Variants in CACNA2D3 observed in about 807,000 individuals in gnomAD.
CACNA2D3 encodes the protein calcium voltage-gated channel auxiliary subunit alpha2delta 3.
CACNA2D3 carries 60 observed loss-of-function variants against 160.6 expected under a neutral mutation model. The observed-to-expected ratio is 0.37, with a 90% CI of 0.30 to 0.46. The LOEUF is 0.46. CACNA2D3 is among the 20% of genes least tolerant of loss of function. The pLI, the probability that CACNA2D3 is intolerant of heterozygous loss-of-function variation, is 1.00. For synonymous variants in CACNA2D3, 558 were observed against 492.9 expected (o/e 1.13, Z -1.75); for missense variants, 1,205 against 1,365.0 (o/e 0.88, Z 1.85).
intron 11 of CACNA2D3, among the ~76,000 whole-genome samples, chr3:54,747,118 A>C (rs1057201669): frequency 3.3e-5 from 5 of 152,044 alleles, no homozygotes; most frequent in African/African-American, 9.7e-5. Context: ...GTTTGGTCTC[A>C]CTTAGACCTC....
chr3:54,475,839 C>CAG (rs549425099), intron 4 of CACNA2D3, among the ~76,000 whole-genome samples: 2 of 45,654 alleles, frequency 4.4e-5, no homozygotes, highest in African/African-American at 1.6e-4. Context: ...GTGTGTGTGA[C>CAG]AGAGAGAGAG....
intron 11 of CACNA2D3, among the ~76,000 whole-genome samples, chr3:54,748,754 G>A (rs1226450864): frequency 6.6e-6 from 1 of 152,090 alleles, no homozygotes; most frequent in Non-Finnish European, 1.5e-5. Flanking sequence ...CCCAGATTTG[G>A]CTCTGCTTCA....
chr3:54,263,981 T>C (rs1449640165), intron 2 of CACNA2D3, among the ~76,000 whole-genome samples: 4 of 152,130 alleles, frequency 2.6e-5, no homozygotes, highest in African/African-American at 7.2e-5. Flanking sequence ...TGGAGGAAAA[T>C]ATGCCATCTT....
intron 2 of CACNA2D3, among the ~76,000 whole-genome samples, chr3:54,226,463 C>T (rs1448442381): frequency 6.6e-6 from 1 of 151,950 alleles, no homozygotes; most frequent in African/African-American, 2.4e-5. Flanking sequence ...CCACCACGTC[C>T]AGCTAATTTT....
intron 17 of CACNA2D3, among the ~76,000 whole-genome samples, chr3:54,861,146 G>T (rs1028761162): frequency 1.3e-5 from 2 of 152,248 alleles, no homozygotes; most frequent in Non-Finnish European, 1.5e-5. Flanking sequence ...CTAATAATTT[G>T]CAGTACAATG....
intron 5 of CACNA2D3, among the ~76,000 whole-genome samples, chr3:54,524,805 C>T (rs574850390): frequency 6.6e-6 from 1 of 151,960 alleles, no homozygotes; most frequent in South Asian, 2.1e-4. Context: ...CTAACCATTC[C>T]AGCTTTCTTG....
chr3:54,371,636 C>T (rs1698927842), intron 3 of CACNA2D3, among the ~76,000 whole-genome samples: 1 of 152,150 alleles, frequency 6.6e-6, no homozygotes, highest in African/African-American at 2.4e-5. Flanking sequence ...TCTCTCCTCC[C>T]ATTGACATTT....
chr3:54,250,869 AAG>A (rs1702175262), intron 2 of CACNA2D3, among the ~76,000 whole-genome samples: 1 of 152,192 alleles, frequency 6.6e-6, no homozygotes, highest in Admixed American at 6.5e-5. Flanking sequence ...TGGGCAGAGA[AAG>A]AGGCAATATG....
chr3:54,503,467 A>G, intron 4 of CACNA2D3, 25 bp from the exon 5 acceptor site: 1 of 1,611,654 alleles, frequency 6.2e-7, no homozygotes, highest in Non-Finnish European at 8.5e-7. Context: ...AGCCACATGT[A>G]ATGTTTTTTG....
chr3:54,938,634 T>G (rs538598223), intron 27 of CACNA2D3, among the ~76,000 whole-genome samples: 7 of 146,554 alleles, frequency 4.8e-5, no homozygotes, highest in African/African-American at 1.8e-4. Flanking sequence ...CACCCCCAAA[T>G]TATACATCTT....
intron 13 of CACNA2D3, among the ~76,000 whole-genome samples, chr3:54,804,113 A>G (rs1323241829): frequency 1.3e-5 from 2 of 152,216 alleles, no homozygotes; most frequent in Non-Finnish European, 2.9e-5. Context: ...GCCAAAATGT[A>G]AAGACCATCG....
intron 13 of CACNA2D3, among the ~76,000 whole-genome samples, chr3:54,788,167 C>G (rs933469234): frequency 6.6e-6 from 1 of 152,160 alleles, no homozygotes; most frequent in Non-Finnish European, 1.5e-5. Context: ...ACTGAGTAAT[C>G]TCATCTGTCA....
rs1289570050 is a variant in CACNA2D3 at position 54,480,123 on chromosome 3, C to T, written c.382-23369C>T. 2.6e-5 allele frequency among the ~76,000 whole-genome samples: 4 copies of T among 152,128 alleles called. No individual in the cohort carries two copies. In the East Asian group the frequency reaches 5.8e-4, roughly 22 times the overall value. On this transcript the variant is annotated intron_variant, in intron 4 of 37. Transcript: ENST00000474759. Reference sequence around the variant, plus strand: ...CTTTGGGAGTCTGAGGCAGGAGGCTCAATTGAGCCCAGGAGTTTGAGACCA... The same window carrying T: ...CTTTGGGAGTCTGAGGCAGGAGGCTTAATTGAGCCCAGGAGTTTGAGACCA...
chr3:54,299,326 G>A (rs1172970531), intron 2 of CACNA2D3, among the ~76,000 whole-genome samples: 1 of 152,122 alleles, frequency 6.6e-6, no homozygotes, highest in Non-Finnish European at 1.5e-5. Flanking sequence ...TGGCACTGCA[G>A]CTCCTCAGAG....
chr3:54,224,910 C>A (rs1484346285), intron 2 of CACNA2D3, among the ~76,000 whole-genome samples: 1 of 149,564 alleles, frequency 6.7e-6, no homozygotes, highest in Non-Finnish European at 1.5e-5. Flanking sequence ...GCTTAGATTC[C>A]CGAAGCTTCC....
Position 54,987,713 on chromosome 3 carries a change from G to T in CACNA2D3, c.2650G>T (p.Ala884Ser). Residue 884 changes from alanine to serine, a missense_variant, in exon 31 of 38, where the codon GCT becomes TCT. Ala to Ser is a moderately conservative substitution (Grantham distance 99). Around this residue, in one of 3 missense-constraint regions of CACNA2D3, gnomAD observed 911 missense variants for 1,002.2 expected, o/e 0.91. Transcript: ENST00000474759. ...AGACTTTTTTGGTGAGATCGAGGGA[G>T]CTGTGATGAACAAATTGCTAACAAT... The part of the protein sequence containing the change: ...TGDFFGEIEG[A>S]VMNKLLTMGS... 6.2e-7 allele frequency: 1 copy of T among 1,611,054 alleles called. No individual in the cohort carries two copies. Among genetic ancestry groups the T allele is most frequent in the Non-Finnish European group, 8.5e-7 (1 of 1,178,914 alleles).
intron 4 of CACNA2D3, among the ~76,000 whole-genome samples, chr3:54,473,780 A>G (rs1188381155): frequency 1.3e-5 from 2 of 152,374 alleles, no homozygotes; most frequent in East Asian, 1.9e-4. Context: ...AACATATGAA[A>G]AAAAGCTCAT....
intron 2 of CACNA2D3, among the ~76,000 whole-genome samples, chr3:54,169,653 AT>A (rs1364437047): frequency 6.6e-6 from 1 of 150,800 alleles, no homozygotes; most frequent in Non-Finnish European, 1.5e-5. Context: ...GCAAACGTGC[AT>A]GTGTGTGCGT....
intron 3 of CACNA2D3, among the ~76,000 whole-genome samples, chr3:54,321,085 C>T (rs536882912): frequency 3.3e-5 from 5 of 152,150 alleles, no homozygotes; most frequent in Admixed American, 1.3e-4. Flanking sequence ...TTTGGGAGGC[C>T]GAGGCAGGCA....
Sources: gnomAD v4.1 joint callset for allele counts (sites outside exome capture counted in the v4.1 genomes callset) on GRCh38, gnomAD v4.1.1 for gene constraint, gnomAD v4.1.1 regional missense constraint, MANE v1.5 for transcripts, NCBI Gene and HGNC (gene_info 2026-07-23, HGNC 2026-07-21) for gene names.